The following MCF2L2 variants were observed in gnomAD, a reference collection of about 807,000 sequenced individuals.
MCF2L2 encodes probable guanine nucleotide exchange factor MCF2L2.
MCF2L2 carries 102 observed loss-of-function variants against 150.2 expected under a neutral mutation model. The observed-to-expected ratio is 0.68, with a 90% CI of 0.58 to 0.80. MCF2L2 has a LOEUF of 0.80. MCF2L2 is among the 30% of genes least tolerant of loss of function. The pLI is 0.00. For synonymous variants in MCF2L2, 465 were observed against 491.3 expected (o/e 0.95, Z 0.71); for missense variants, 1,256 against 1,372.8 (o/e 0.91, Z 1.34).
At chr3:183,217,353 TC>T in intron 21 of MCF2L2, among the ~76,000 whole-genome samples, 1 of 129,304 alleles carries the variant, frequency 7.7e-6, no homozygotes, top group African/African-American at 2.9e-5. Flanking sequence ...GTGCCTGTAA[TC>T]CCAGCTACTC....
chr3:183,356,101 A>C (rs1205130560), intron 3 of MCF2L2, among the ~76,000 whole-genome samples: 1 of 152,024 alleles, frequency 6.6e-6, no homozygotes, highest in Non-Finnish European at 1.5e-5. Context: ...AAGAAACTTC[A>C]GACCATATGC....
chr3:183,289,323 C>A, intron 13 of MCF2L2, 103 bp from the exon 14 acceptor site: 5 of 734,152 alleles, frequency 6.8e-6, no homozygotes, highest in Non-Finnish European at 1.2e-5. Flanking sequence ...ATGTGGCTAA[C>A]TATAAAAGCT....
In MCF2L2 at chr3:183,251,330, G is replaced by A. The variant is rs542740951; in HGVS notation, c.1863-20313C>T. Among the ~76,000 whole-genome samples the A allele has an allele frequency of 7.9e-5, 12 of 152,220 alleles. No homozygotes were observed. The East Asian group carries it at 2.1e-3, about 27-fold the overall frequency. ...TCCTTTCATGATTTTAGTAACACAG[G>A]CCTCTTCCTTGGGCCCCTGTTGCTC... On this transcript the variant is annotated intron_variant, in intron 15 of 29. Coordinates refer to ENST00000328913, the MANE Select transcript of MCF2L2 (RefSeq NM_015078.4).
At chr3:183,203,118 CAGA>C (rs756522685) in intron 25 of MCF2L2, among the ~76,000 whole-genome samples, 2 of 152,074 alleles carry the variant, frequency 1.3e-5, no homozygotes, top group Admixed American at 6.6e-5. Flanking sequence ...GAGGCTGAGG[CAGA>C]AGAATTGCTT....
intron 22 of MCF2L2, among the ~76,000 whole-genome samples, chr3:183,214,976 C>T (rs530810941): frequency 9.2e-5 from 14 of 152,152 alleles, no homozygotes; most frequent in South Asian, 4.2e-4. Context: ...GCCTGGGCGA[C>T]AGAGCAAGAC....
chr3:183,252,318 C>A (rs1464488053), intron 15 of MCF2L2, among the ~76,000 whole-genome samples: 1 of 152,106 alleles, frequency 6.6e-6, no homozygotes, highest in Non-Finnish European at 1.5e-5. Flanking sequence ...GACTCCTTTG[C>A]AAATCACACA....
rs78209199 is a variant in MCF2L2, at chr3:183,264,476, G to A, written c.1862+12396C>T. On this transcript the variant is annotated intron_variant, in intron 15 of 29. Transcript: ENST00000328913. ...CTACGAGTCTTGTCACAAATAGAGT[G>A]TAAATGCTTTGAGATTGGAGACTGT... Among the ~76,000 whole-genome samples the A allele has an allele frequency of 2.5e-3, 376 of 152,342 alleles. 1 individual carries two copies. The highest frequency in any genetic ancestry group is 7.6e-3 in the African/African-American group (316 of 41,564).
intron 10 of MCF2L2, among the ~76,000 whole-genome samples, chr3:183,302,862 T>A (rs2108500919): frequency 6.6e-6 from 1 of 152,276 alleles, no homozygotes; most frequent in South Asian, 2.1e-4. Context: ...GCATTATCTC[T>A]ATCTAAAAAC....
intron 10 of MCF2L2, among the ~76,000 whole-genome samples, chr3:183,308,702 G>T (rs1459905428): frequency 1.3e-5 from 2 of 152,178 alleles, no homozygotes; most frequent in African/African-American, 4.8e-5. Flanking sequence ...AGGGGTGTGT[G>T]TCTCCAACTT....
chr3:183,346,406 A>G lies in MCF2L2; in HGVS notation c.276-4776T>C, dbSNP rs376189209. The stretch of plus-strand genomic sequence containing the variant: ...TCCATAAAGTAGGTATTGATGGAAC[A>G]TATCTCAAAATAATAAGAGCTATTT... On this transcript the variant is annotated intron_variant, in intron 3 of 29. Transcript: ENST00000328913. Among the ~76,000 whole-genome samples, 30 of 152,320 alleles carry G rather than the reference A, an allele frequency of 2.0e-4. No individual in the cohort carries two copies. In the East Asian group the frequency reaches 3.3e-3, roughly 17 times the overall value.
rs73058068 is a variant in MCF2L2 at position 183,180,656 on chromosome 3, T to A, written c.3017-497A>T. The stretch of plus-strand genomic sequence containing the variant: ...TCTCTGCAGTGAACTGATTAATTAA[T>A]CCATCAGTCTTGTCTATGGCGCACA... On this transcript the variant is annotated intron_variant, in intron 27 of 29. Transcript: ENST00000328913. Among the ~76,000 whole-genome samples, 1,074 of 152,356 alleles carry A rather than the reference T, an allele frequency of 7.0e-3. 16 individuals carry two copies. The highest frequency in any genetic ancestry group is 0.025 in the African/African-American group (1,024 of 41,570).
At chr3:183,358,973 T>A (rs1212789069) in intron 3 of MCF2L2, among the ~76,000 whole-genome samples, 1 of 151,638 alleles carries the variant, frequency 6.6e-6, no homozygotes, top group East Asian at 1.9e-4. Context: ...AAGCATCTGC[T>A]GATCATGAAG....
At position 183,300,200 on chromosome 3, in the gene MCF2L2, CA is replaced by C. The variant is rs1728768868; in HGVS notation, c.1114-5del. ...GCTGGGCCTTTTCCAGGGGCTCCTG[CA>C]AAGTGAACACCCACAGCCAGGCGTC... On this transcript the variant is annotated splice_region_variant and splice_polypyrimidine_tract_variant and intron_variant, in intron 10 of 29. Transcript: ENST00000328913. The C allele has an allele frequency of 4.4e-6, 7 of 1,598,662 alleles. No homozygotes were observed. In the Admixed American group the frequency reaches 9.0e-5, roughly 21 times the overall value.
intron 13 of MCF2L2, among the ~76,000 whole-genome samples, chr3:183,291,375 G>C (rs1213704464): frequency 6.6e-6 from 1 of 152,204 alleles, no homozygotes; most frequent in Non-Finnish European, 1.5e-5. Context: ...GGAAAAATGA[G>C]AAATCCTACA....
chr3:183,389,058 C>A (rs1045989078), intron 2 of MCF2L2, among the ~76,000 whole-genome samples: 3 of 152,222 alleles, frequency 2.0e-5, no homozygotes. Flanking sequence ...TAAGTTGGGT[C>A]TAACCATAAT....
At position 183,295,490 on chromosome 3, in the gene MCF2L2, A is replaced by C. The variant is rs1380974364; in HGVS notation, c.1498-13T>G. ...TCTGGGCTTTGGCCTACAGTAACAA[A>C]AGCAAATCATGATGAACAGGTCTCT... is the stretch of plus-strand genomic sequence containing the variant. On this transcript the variant is annotated splice_polypyrimidine_tract_variant and intron_variant, in intron 12 of 29. Coordinates refer to ENST00000328913, the MANE Select transcript of MCF2L2 (RefSeq NM_015078.4). 4.3e-6 allele frequency: 7 copies of C among 1,613,718 alleles called. No homozygotes were observed.
chr3:183,245,622 C>T (rs1423956165), intron 15 of MCF2L2, among the ~76,000 whole-genome samples: 3 of 152,126 alleles, frequency 2.0e-5, no homozygotes, highest in African/African-American at 4.8e-5. Flanking sequence ...GGTCTCAATA[C>T]AGTCCTGAGG....
At chr3:183,285,735 T>G (rs1343862466) in intron 14 of MCF2L2, among the ~76,000 whole-genome samples, 1 of 152,226 alleles carries the variant, frequency 6.6e-6, no homozygotes, top group Admixed American at 6.5e-5. Flanking sequence ...TTCTTTTTTT[T>G]CATCTTCTGG....
In MCF2L2 at chr3:183,181,777, T is replaced by C. The variant is rs1445303043; in HGVS notation, c.3017-1618A>G. ...ATGATGCCAGGGCTGCTAGGGACCA[T>C]AGAGCCACCCACTGGGAGGCTGGCG... On this transcript the variant is annotated intron_variant, in intron 27 of 29. Coordinates refer to ENST00000328913, the MANE Select transcript of MCF2L2 (RefSeq NM_015078.4). This position sits in a 1 kb window ranked among gnomAD's most constrained non-coding sequence, Gnocchi z 4.3. 1.3e-5 allele frequency among the ~76,000 whole-genome samples: 2 copies of C among 152,086 alleles called. No homozygotes were observed. Among genetic ancestry groups the C allele is most frequent in the Non-Finnish European group, 2.9e-5 (2 of 68,010 alleles).
Sources: allele counts gnomAD v4.1 joint callset (sites outside exome capture counted in the v4.1 genomes callset), GRCh38; gene constraint gnomAD v4.1.1; non-coding constraint Gnocchi (gnomAD v3.1); transcripts MANE v1.5; gene names NCBI Gene and HGNC (gene_info 2026-07-23, HGNC 2026-07-21).